The following CLNK variants were observed in gnomAD, a reference collection of about 807,000 sequenced individuals.
The protein encoded by CLNK is cytokine-dependent hematopoietic cell linker.
CLNK carries 74 observed loss-of-function variants against 68.6 expected under a neutral mutation model. The ratio of observed to expected loss-of-function variants is 1.08; its 90% CI spans 0.89 to 1.31. The LOEUF (loss-of-function observed/expected upper bound fraction) is 1.31. CLNK is among the 50% of genes most tolerant of loss of function. The pLI, the probability that CLNK is intolerant of heterozygous loss-of-function variation, is 0.00. For synonymous variants in CLNK, 198 were observed against 172.2 expected (o/e 1.15, Z -1.17); for missense variants, 553 against 515.3 (o/e 1.07, Z -0.71).
intron 8 of CLNK, among the ~76,000 whole-genome samples, chr4:10,550,938 A>C (rs569780385): frequency 6.6e-5 from 10 of 152,346 alleles, no homozygotes; most frequent in Non-Finnish European, 1.3e-4. Context: ...GATTCCACGC[A>C]GCGAATCTGG....
intron 18 of CLNK, among the ~76,000 whole-genome samples, chr4:10,496,331 A>G (rs1716807897): frequency 6.6e-6 from 1 of 152,216 alleles, no homozygotes; most frequent in South Asian, 2.1e-4. Context: ...GTTGGCTTGC[A>G]TTTAGCAGAG....
At chr4:10,498,378 G>A (rs545680694) in intron 18 of CLNK, among the ~76,000 whole-genome samples, 3 of 152,180 alleles carry the variant, frequency 2.0e-5, no homozygotes, top group Admixed American at 6.5e-5. Flanking sequence ...TGTAGTCCCC[G>A]CTACTCGGGA....
chr4:10,630,693 T>C (rs1367439371), intron 2 of CLNK, among the ~76,000 whole-genome samples: 6 of 152,244 alleles, frequency 3.9e-5, no homozygotes, highest in African/African-American at 1.4e-4. Context: ...CATTCAGTCA[T>C]CAATTTTTAG....
At chr4:10,641,324 T>G (rs1677937493) in intron 2 of CLNK, among the ~76,000 whole-genome samples, 1 of 152,054 alleles carries the variant, frequency 6.6e-6, no homozygotes, top group South Asian at 2.1e-4. Flanking sequence ...TCAGTGGAGG[T>G]AGAGAGACAG....
chr4:10,540,269 G>A (rs1718959732), intron 11 of CLNK, among the ~76,000 whole-genome samples: 1 of 152,196 alleles, frequency 6.6e-6, no homozygotes, highest in South Asian at 2.1e-4. Context: ...CCTCCACCAT[G>A]ATTGTAAGTT....
At chr4:10,687,099 G>A (rs1200484454), upstream of CLNK, among the ~76,000 whole-genome samples, 5 of 151,830 alleles carry the variant, frequency 3.3e-5, no homozygotes, top group South Asian at 1.0e-3. Context: ...TGTGGTAAAT[G>A]CAATGAATAG....
chr4:10,561,639 T>G (rs1414031985), intron 7 of CLNK, among the ~76,000 whole-genome samples: 2 of 152,228 alleles, frequency 1.3e-5, no homozygotes, highest in African/African-American at 4.8e-5. Flanking sequence ...CCAATCTCTC[T>G]GGAATTCTCA....
intron 2 of CLNK, among the ~76,000 whole-genome samples, chr4:10,626,496 T>G: frequency 6.6e-6 from 1 of 152,198 alleles, no homozygotes; most frequent in East Asian, 1.9e-4. Context: ...CTTTCTTTTT[T>G]GAAATTTAGT....
At chr4:10,615,472 G>A (rs1007612114) in intron 2 of CLNK, among the ~76,000 whole-genome samples, 3 of 152,028 alleles carry the variant, frequency 2.0e-5, no homozygotes, top group Admixed American at 6.6e-5. Context: ...AGCAGAGGTC[G>A]TGCCGCCGCA....
At chr4:10,606,742 A>C (rs1721807982) in intron 2 of CLNK, among the ~76,000 whole-genome samples, 1 of 152,164 alleles carries the variant, frequency 6.6e-6, no homozygotes, top group African/African-American at 2.4e-5. Flanking sequence ...TCATTCACCT[A>C]AATGTTATAT....
the CLNK span, among the ~76,000 whole-genome samples, chr4:10,708,169 C>G: frequency 6.6e-6 from 1 of 152,130 alleles, no homozygotes; most frequent in African/African-American, 2.4e-5. Context: ...GGCTCAAATC[C>G]CATCTATGTG....
intron 3 of CLNK, among the ~76,000 whole-genome samples, chr4:10,593,800 G>C (rs1721280548): frequency 6.6e-6 from 1 of 152,344 alleles, no homozygotes; most frequent in Admixed American, 6.5e-5. Flanking sequence ...GGTGCTAGTG[G>C]CAGAAAGGAA....
At chr4:10,640,833 T>C (rs926693094) in intron 2 of CLNK, among the ~76,000 whole-genome samples, 1 of 152,212 alleles carries the variant, frequency 6.6e-6, no homozygotes, top group Non-Finnish European at 1.5e-5. Flanking sequence ...TGAAACCTAC[T>C]TATAGGCAGA....
intron 2 of CLNK, among the ~76,000 whole-genome samples, chr4:10,607,056 T>C (rs1721819488): frequency 6.6e-6 from 1 of 152,232 alleles, no homozygotes; most frequent in African/African-American, 2.4e-5. Context: ...TTGGGTCCTA[T>C]AGTTAGACAT....
intron 2 of CLNK, among the ~76,000 whole-genome samples, chr4:10,609,203 T>A (rs1721911016): frequency 6.6e-6 from 1 of 152,220 alleles, no homozygotes; most frequent in Admixed American, 6.5e-5. Context: ...CCCATACTCC[T>A]ACCTTTATTT....
At chr4:10,615,915 A>G (rs1375325951) in intron 2 of CLNK, among the ~76,000 whole-genome samples, 1 of 152,210 alleles carries the variant, frequency 6.6e-6, no homozygotes, top group East Asian at 1.9e-4. Flanking sequence ...AGCAGAGGGA[A>G]TATTGAGTTA....
intron 16 of CLNK, among the ~76,000 whole-genome samples, chr4:10,513,044 C>T (rs534251162): frequency 9.2e-5 from 14 of 152,196 alleles, no homozygotes; most frequent in Non-Finnish European, 2.1e-4. Context: ...ATAATAACTG[C>T]TCAACTAATG....
intron 5 of CLNK, among the ~76,000 whole-genome samples, chr4:10,567,902 A>T (rs185413830): frequency 1.1e-4 from 16 of 152,296 alleles, no homozygotes; most frequent in African/African-American, 1.4e-4. Context: ...AAGATGATTT[A>T]AAAAAAGACA....
intron 8 of CLNK, among the ~76,000 whole-genome samples, chr4:10,557,194 G>A (rs1367775992): frequency 6.6e-6 from 1 of 152,134 alleles, no homozygotes; most frequent in African/African-American, 2.4e-5. Context: ...GCTACTCTCT[G>A]TCCCCTTTTC....
Sources: gnomAD v4.1 joint callset for allele counts (sites outside exome capture counted in the v4.1 genomes callset) on GRCh38, gnomAD v4.1.1 for gene constraint, MANE v1.5 for transcripts, NCBI Gene and HGNC (gene_info 2026-07-23, HGNC 2026-07-21) for gene names.